Variants in VPS13D observed in about 807,000 individuals in gnomAD.
The protein encoded by VPS13D is intermembrane lipid transfer protein VPS13D.
VPS13D carries 187 observed loss-of-function variants against 461.9 expected under a neutral mutation model. That is an observed-to-expected ratio of 0.40 (90% CI 0.36 to 0.46). VPS13D has a LOEUF of 0.46. Ranked by LOEUF, VPS13D falls within the 20% of genes least tolerant of loss-of-function variation. The probability of loss-of-function intolerance (pLI) is 0.60; values close to 1 mark genes in which losing one functional copy is unlikely to be tolerated. For missense variants in VPS13D, 4,711 were observed against 5,364.9 expected, an observed-to-expected ratio of 0.88 and a Z score of 3.81; for synonymous variants, 1,951 against 1,986.3, an observed-to-expected ratio of 0.98 and a Z score of 0.47.
chr1:12,390,485 A>T (rs751059101), intron 60 of VPS13D, among the ~76,000 whole-genome samples: 3 of 152,204 alleles, frequency 2.0e-5, no homozygotes, highest in Non-Finnish European at 4.4e-5. Flanking sequence ...CCTTGGTCAG[A>T]GGCAATGCTG....
chr1:12,457,590 A>G (rs1398369052), intron 66 of VPS13D, among the ~76,000 whole-genome samples: 1 of 152,240 alleles, frequency 6.6e-6, no homozygotes, highest in Non-Finnish European at 1.5e-5. Context: ...ATCCAAAGCT[A>G]TCAGAGTCAT....
At chr1:12,252,251 G>A (rs1255476592) in intron 6 of VPS13D, among the ~76,000 whole-genome samples, 1 of 152,100 alleles carries the variant, frequency 6.6e-6, no homozygotes, top group African/African-American at 2.4e-5. Flanking sequence ...ATTCAACCTA[G>A]TGTATCTAGT....
intron 27 of VPS13D, among the ~76,000 whole-genome samples, chr1:12,311,121 GT>G (rs1437145170): frequency 6.6e-6 from 1 of 151,990 alleles, no homozygotes; most frequent in Non-Finnish European, 1.5e-5. Context: ...TCACTATGTT[GT>G]CCAGGCTGGT....
chr1:12,258,605 A>T (rs1184755245), intron 10 of VPS13D, among the ~76,000 whole-genome samples: 1 of 152,182 alleles, frequency 6.6e-6, no homozygotes, highest in Non-Finnish European at 1.5e-5. Context: ...AGGCCCTTAG[A>T]ATGCCCCCTC....
At position 12,277,577 on chromosome 1, in the gene VPS13D, C is replaced by T; in HGVS notation, c.3989C>T (p.Ala1330Val). The T allele has an allele frequency of 1.2e-6, 2 of 1,613,946 alleles. No individual in the cohort carries two copies. Among genetic ancestry groups the T allele is most frequent in the South Asian group, 1.1e-5 (1 of 91,084 alleles). Residue 1330 changes from alanine (A) to valine (V), a missense_variant, in exon 19 of 70, where the codon GCT (alanine) becomes GTT (valine). Around this residue, in one of 3 missense-constraint regions of VPS13D, gnomAD observed 4,411 missense variants for 4,937.8 expected, o/e 0.89. Coordinates refer to ENST00000620676, the MANE Select transcript of VPS13D (RefSeq NM_015378.4). Reference protein sequence around the residue: ...SAATKVTTVLATKTAEYSEMV... With the variant: ...SAATKVTTVLVTKTAEYSEMV... ...GCCACCAAAGTCACCACAGTACTAG[C>T]TACCAAGACTGCCGAGTATAGCGAG...
intron 39 of VPS13D, chr1:12,337,086 T>C (rs1247480000): frequency 6.6e-6 from 1 of 152,114 alleles, no homozygotes; most frequent in East Asian, 1.9e-4. Flanking sequence ...TGTCCCTCTC[T>C]CTTTCTCTAT....
chr1:12,311,466 T>C lies in VPS13D; in HGVS notation c.6663T>C (p.His2221=). The part of the protein sequence containing the change: ...VERNLDKEIS[H]TVPDISIHGN... ...TTCTTTTTCATAGAGAAATAAGTCA[T>C]ACTGTGCCAGACATATCTATCCATG... is the stretch of plus-strand genomic sequence containing the variant. Residue 2221 remains histidine, a synonymous_variant, in exon 28 of 70, where the codon CAT becomes CAC. Transcript: ENST00000620676. 6.2e-7 allele frequency: 1 copy of C among 1,608,716 alleles called. No homozygotes were observed.
intron 37 of VPS13D, among the ~76,000 whole-genome samples, chr1:12,331,573 G>A (rs1422676126): frequency 6.6e-6 from 1 of 151,696 alleles, no homozygotes; most frequent in Admixed American, 6.6e-5. Flanking sequence ...TTAGCCGGGC[G>A]TGGTGGTGGG....
intron 3 of VPS13D, among the ~76,000 whole-genome samples, chr1:12,243,291 G>T (rs1429796759): frequency 1.3e-5 from 2 of 152,064 alleles, no homozygotes; most frequent in African/African-American, 2.4e-5. Context: ...TTATGACAGG[G>T]TCTTGCTTTG....
chr1:12,372,649 G>C (rs1026301677), intron 54 of VPS13D, among the ~76,000 whole-genome samples: 2 of 151,798 alleles, frequency 1.3e-5, no homozygotes, highest in Non-Finnish European at 2.9e-5. Context: ...TTATTTTTGT[G>C]AGTTTTCTTT....
At position 12,283,619 on chromosome 1, in the gene VPS13D, A is replaced by G. The variant is rs1641873972; in HGVS notation, c.5517A>G (p.Ala1839=). 1 of 1,614,108 alleles carries G rather than the reference A, an allele frequency of 6.2e-7. No homozygotes were observed. The highest frequency in any genetic ancestry group is 8.5e-7 in the Non-Finnish European group (1 of 1,180,050). Residue 1839 remains alanine, a synonymous_variant, in exon 21 of 70, where the codon GCA becomes GCG. Coordinates refer to ENST00000620676, the MANE Select transcript of VPS13D (RefSeq NM_015378.4). The part of the protein sequence containing the change: ...ILDFFGIGST[A]DNHAMRLPPE... ...ACTTTTTTGGAATCGGCTCCACTGC[A>G]GACAACCACGCAATGAGGCTGCCTC...
At chr1:12,244,666 C>G (rs757230597) in intron 5 of VPS13D, 49 bp downstream of exon 5, 1 of 1,539,854 alleles carries the variant, frequency 6.5e-7, no homozygotes, top group Non-Finnish European at 9.0e-7. Flanking sequence ...AGGGATTTCT[C>G]AGGTTTAAAC....
At chr1:12,288,106 C>T (rs1642024095) in intron 21 of VPS13D, 117 bp from the exon 22 acceptor site, 1 of 824,394 alleles carries the variant, frequency 1.2e-6, no homozygotes, top group Admixed American at 2.2e-5. Context: ...TTGTTAAAAG[C>T]ATTACCTTCA....
intron 6 of VPS13D, among the ~76,000 whole-genome samples, chr1:12,251,295 T>C (rs1346616510): frequency 5.9e-5 from 9 of 152,380 alleles, no homozygotes; most frequent in African/African-American, 1.7e-4. Flanking sequence ...CTTCTTATGC[T>C]TCAGTTTCCA....
At chr1:12,283,842 C>A in intron 21 of VPS13D, 106 bp downstream of exon 21, 1 of 1,195,862 alleles carries the variant, frequency 8.4e-7, no homozygotes, top group East Asian at 2.6e-5. Context: ...CTCTTGTTGG[C>A]AGGGGAGCTA....
rs375096307 is a variant in VPS13D, at chr1:12,308,486, C to G, written c.6495C>G (p.Ile2165Met). 1 of 1,613,988 alleles carries G rather than the reference C, an allele frequency of 6.2e-7. No individual in the cohort carries two copies. The highest frequency in any genetic ancestry group is 2.2e-5 in the East Asian group (1 of 44,892). The change falls in exon 27 of 70, where the codon ATC becomes ATG. Residue 2165 changes from isoleucine to methionine, a missense_variant. Ile to Met is a conservative substitution (Grantham distance 10). Coordinates refer to ENST00000620676, the MANE Select transcript of VPS13D (RefSeq NM_015378.4). ...CVVVDLQDMDIFAAERHPREY... is the reference protein window; with the variant it reads ...CVVVDLQDMDMFAAERHPREY... ...TCGTGGATCTCCAGGACATGGACAT[C>G]TTTGCTGCAGAGAGACATCCGAGAG...
At chr1:12,471,533 A>G (rs548731056) in intron 67 of VPS13D, among the ~76,000 whole-genome samples, 9 of 152,262 alleles carry the variant, frequency 5.9e-5, no homozygotes, top group Admixed American at 2.6e-4. Flanking sequence ...TGTTTCTTCA[A>G]TGTGGAGGTA....
At chr1:12,321,786 C>A in intron 32 of VPS13D, 23 bp from the exon 33 acceptor site, 1 of 1,588,100 alleles carries the variant, frequency 6.3e-7, no homozygotes, top group Non-Finnish European at 8.5e-7. Flanking sequence ...TTAATTCTCG[C>A]CATATTGCAT....
chr1:12,271,871 TAGGG>T (rs1232092980), intron 17 of VPS13D, among the ~76,000 whole-genome samples: 2 of 151,992 alleles, frequency 1.3e-5, no homozygotes, highest in Non-Finnish European at 2.9e-5. Context: ...ATGCCATAGA[TAGGG>T]AGGGCCAAGA....
Sources: allele counts gnomAD v4.1 joint callset (sites outside exome capture counted in the v4.1 genomes callset), GRCh38; gene constraint gnomAD v4.1.1; regional missense constraint gnomAD v4.1.1; transcripts MANE v1.5; gene names NCBI Gene and HGNC (gene_info 2026-07-23, HGNC 2026-07-21).